Variants in WDPCP observed in about 807,000 individuals in gnomAD.
The protein encoded by WDPCP is WD repeat-containing and planar cell polarity effector protein fritz homolog.
In WDPCP, 71 loss-of-function variants were observed where a neutral mutation model predicts 93.1. The ratio of observed to expected loss-of-function variants is 0.76; its 90% CI spans 0.63 to 0.93. WDPCP has a LOEUF of 0.93. Among genes scored for constraint, WDPCP ranks in the 40% least tolerant of loss-of-function variants. The pLI is 0.00. For missense variants in WDPCP, 844 were observed against 887.4 expected (o/e 0.95, Z 0.62); for synonymous variants, 315 against 315.0 (o/e 1.00, Z 0.00).
chr2:63,388,667 T>A (rs1034737002), intron 10 of WDPCP, among the ~76,000 whole-genome samples: 2 of 152,078 alleles, frequency 1.3e-5, no homozygotes, highest in South Asian at 2.1e-4. Flanking sequence ...GTTAGACGAA[T>A]GGCTAACTAG....
chr2:63,425,763 A>G (rs1696232399), intron 9 of WDPCP, among the ~76,000 whole-genome samples: 1 of 152,216 alleles, frequency 6.6e-6, no homozygotes, highest in African/African-American at 2.4e-5. Flanking sequence ...GGCATTTCTC[A>G]GAGGGAAGAA....
chr2:63,468,095 C>G (rs1699465761), intron 6 of WDPCP, among the ~76,000 whole-genome samples: 1 of 152,210 alleles, frequency 6.6e-6, no homozygotes, highest in Non-Finnish European at 1.5e-5. Flanking sequence ...GGGGATTCCT[C>G]TAATGAATAA....
chr2:63,712,728 T>C (rs533093132), intron 2 of WDPCP, among the ~76,000 whole-genome samples: 66 of 152,334 alleles, frequency 4.3e-4, no homozygotes, highest in African/African-American at 1.4e-3. Flanking sequence ...CAAGGAGAAG[T>C]CTTTTTCTGT....
At chr2:63,169,973 C>G (rs1409314975) in intron 15 of WDPCP, among the ~76,000 whole-genome samples, 1 of 151,412 alleles carries the variant, frequency 6.6e-6, no homozygotes, top group African/African-American at 2.4e-5. Context: ...CTCATTGAAG[C>G]CTTAATGTTT....
At chr2:63,127,941 C>T (rs775051696) in intron 17 of WDPCP, among the ~76,000 whole-genome samples, 17 of 152,024 alleles carry the variant, frequency 1.1e-4, no homozygotes, top group Non-Finnish European at 1.3e-4. Context: ...AAGTTCAAGA[C>T]CAGCCTGGCC....
chr2:63,331,587 T>C (rs901527083), intron 12 of WDPCP, among the ~76,000 whole-genome samples: 7 of 152,252 alleles, frequency 4.6e-5, no homozygotes, highest in African/African-American at 7.2e-5. Flanking sequence ...GATGAATGTA[T>C]AGTTATGTTA....
chr2:63,493,159 C>T (rs1249343584), intron 1 of WDPCP, among the ~76,000 whole-genome samples: 2 of 152,110 alleles, frequency 1.3e-5, no homozygotes, highest in African/African-American at 4.8e-5. Flanking sequence ...TTTAGTATGT[C>T]ATCACATTGA....
intron 13 of WDPCP, among the ~76,000 whole-genome samples, chr2:63,298,647 C>G (rs1303252263): frequency 2.0e-5 from 3 of 152,138 alleles, no homozygotes; most frequent in Non-Finnish European, 4.4e-5. Flanking sequence ...TCAGCCACAG[C>G]TGTGAGGCCA....
At chr2:63,513,498 T>TTA (rs1248058858) in intron 1 of WDPCP, among the ~76,000 whole-genome samples, 3 of 152,034 alleles carry the variant, frequency 2.0e-5, no homozygotes, top group Non-Finnish European at 2.9e-5. Context: ...ATCTCAGACG[T>TTA]TCTACTGCTC....
intron 3 of WDPCP, among the ~76,000 whole-genome samples, chr2:63,642,114 C>A (rs1050964314): frequency 1.3e-5 from 2 of 151,952 alleles, no homozygotes; most frequent in African/African-American, 4.8e-5. Flanking sequence ...TGTTTCTGGA[C>A]TCTCTATTCT....
chr2:63,738,393 T>TTTTTTTTTTTTTTTTTTTTTTTTTA (rs1553453624), intron 2 of WDPCP, among the ~76,000 whole-genome samples: 1 of 151,132 alleles, frequency 6.6e-6, no homozygotes, highest in Non-Finnish European at 1.5e-5. Context: ...GGGCTACTAT[T>TTTTTTTTTTTTTTTTTTTTTTTTTA]GACATTTGCT....
At chr2:63,392,343 C>G (rs1693332845) in intron 10 of WDPCP, among the ~76,000 whole-genome samples, 1 of 152,166 alleles carries the variant, frequency 6.6e-6, no homozygotes, top group South Asian at 2.1e-4. Context: ...AGGTAGAAAA[C>G]TGAAACTGGA....
rs571220567 is a variant in WDPCP, at chr2:63,368,014, A to C, written c.1748+10372T>G. Reference sequence around the variant, plus strand: ...TTGTTACCTCAGATTTAGACAGATGACCCTCAGTTTCCAGGTATTGACAAA... The same window carrying C: ...TTGTTACCTCAGATTTAGACAGATGCCCCTCAGTTTCCAGGTATTGACAAA... On this transcript the variant is annotated intron_variant, in intron 12 of 17. Coordinates refer to ENST00000272321, the MANE Select transcript of WDPCP (RefSeq NM_015910.7). 3.3e-5 allele frequency among the ~76,000 whole-genome samples: 5 copies of C among 152,308 alleles called. No individual in the cohort carries two copies. In the East Asian group the frequency reaches 9.6e-4, roughly 29 times the overall value.
At chr2:63,610,569 A>T (rs1432761964) in intron 3 of WDPCP, among the ~76,000 whole-genome samples, 1 of 144,426 alleles carries the variant, frequency 6.9e-6, no homozygotes, top group Non-Finnish European at 1.5e-5. Context: ...TTTGAGAATT[A>T]AAAAAAAAAA....
At position 63,121,770 on chromosome 2, in the gene WDPCP, C is replaced by T; in HGVS notation, c.*236G>A. On this transcript the variant is annotated 3_prime_UTR_variant, in exon 18 of 18. Coordinates refer to ENST00000272321, the MANE Select transcript of WDPCP (RefSeq NM_015910.7). Reference sequence around the variant, plus strand: ...AATTTAAGACACTTTCAAAATTTTACATTATTGAAAATAAGTAGGTTGAAG... The same window carrying T: ...AATTTAAGACACTTTCAAAATTTTATATTATTGAAAATAAGTAGGTTGAAG... 1.9e-6 allele frequency: 2 copies of T among 1,067,156 alleles called. No individual in the cohort carries two copies. Among genetic ancestry groups the T allele is most frequent in the Non-Finnish European group, 2.5e-6 (2 of 795,466 alleles). The allele number at this position is 1,067,156 out of a possible 1,614,324, so 66.1% of individuals were successfully genotyped here. A position where few individuals can be genotyped will look rare whatever the true frequency, so the allele number is the denominator to read the frequency against.
At chr2:63,727,089 A>T (rs781631289) in intron 2 of WDPCP, among the ~76,000 whole-genome samples, 1 of 152,136 alleles carries the variant, frequency 6.6e-6, no homozygotes, top group Non-Finnish European at 1.5e-5. Context: ...TATGTTGAAT[A>T]GGAGTGGTGA....
At chr2:63,265,744 C>G (rs1007468887) in intron 13 of WDPCP, among the ~76,000 whole-genome samples, 1 of 152,082 alleles carries the variant, frequency 6.6e-6, no homozygotes, top group Non-Finnish European at 1.5e-5. Context: ...CTGATGAACA[C>G]AGATGCAAAA....
At chr2:63,540,496 G>T (rs1375948385) in intron 1 of WDPCP, among the ~76,000 whole-genome samples, 1 of 152,116 alleles carries the variant, frequency 6.6e-6, no homozygotes, top group Non-Finnish European at 1.5e-5. Flanking sequence ...GTTGTCTAAG[G>T]AATGCACTCA....
intron 13 of WDPCP, among the ~76,000 whole-genome samples, chr2:63,310,693 T>TATTTTTTTGCAAA (rs1553603424): frequency 0.012 from 1,816 of 152,116 alleles, 19 homozygotes; most frequent in Non-Finnish European, 0.018. Flanking sequence ...GTAAAAAGTC[T>TATTTTTTTGCAAA]AAAATATTTG....
Sources: gnomAD v4.1 joint callset for allele counts (sites outside exome capture counted in the v4.1 genomes callset) on GRCh38, gnomAD v4.1.1 for gene constraint, MANE v1.5 for transcripts, NCBI Gene and HGNC (gene_info 2026-07-23, HGNC 2026-07-21) for gene names.